OPA3: variants seen among roughly 807,000 people sequenced by gnomAD.
OPA3 encodes the protein outer mitochondrial membrane lipid metabolism regulator OPA3.
Under a neutral mutation model 4.0 loss-of-function variants are expected in OPA3, and 6 were observed. The ratio of observed to expected loss-of-function variants is 1.51; its 90% CI spans 0.83 to 2.99. The LOEUF (loss-of-function observed/expected upper bound fraction) is 2.99. OPA3 is among the 30% of genes most tolerant of loss of function. The pLI, the probability that OPA3 is intolerant of heterozygous loss-of-function variation, is 0.00. For missense variants in OPA3, 235 were observed against 256.2 expected, an observed-to-expected ratio of 0.92 and a Z score of 0.56; for synonymous variants, 105 against 117.1, an observed-to-expected ratio of 0.90 and a Z score of 0.67.
At chr19:45,570,022 G>T (rs1352008882) in intron 1 of OPA3, among the ~76,000 whole-genome samples, 1 of 152,152 alleles carries the variant, frequency 6.6e-6, no homozygotes, top group African/African-American at 2.4e-5. Context: ...GATACACCGG[G>T]GTCAATGACC....
intron 1 of OPA3, among the ~76,000 whole-genome samples, chr19:45,554,398 G>A (rs1435444575): frequency 6.6e-6 from 1 of 152,198 alleles, no homozygotes; most frequent in African/African-American, 2.4e-5. Context: ...AGATACACTT[G>A]TAATAATCAA....
chr19:45,546,499 C>CTTTTT lies in OPA3; in HGVS notation c.*7010_*7014dup. On this transcript the variant is annotated 3_prime_UTR_variant, in exon 2 of 2. Transcript: ENST00000263275. ...CACACGATGGATTACATAAACTCTG[C>CTTTTT]TTTTTTTTTTTTTTGAGACAGGGTC... The CTTTTT allele has an allele frequency of 6.3e-6, 3 of 475,158 alleles. No individual in the cohort carries two copies. Among genetic ancestry groups the CTTTTT allele is most frequent in the Non-Finnish European group, 8.1e-6 (3 of 370,636 alleles). The allele number at this position is 475,158 out of a possible 1,614,324, so 29.4% of individuals were successfully genotyped here. A position where few individuals can be genotyped will look rare whatever the true frequency, so the allele number is the denominator to read the frequency against.
rs907572933 is a variant in OPA3, at chr19:45,549,885, C to T, written c.*3629G>A. 34 of 983,998 alleles carry T rather than the reference C, an allele frequency of 3.5e-5. No homozygotes were observed. The Admixed American group carries it at 4.3e-4, about 13-fold the overall frequency. The allele number at this position is 983,998 out of a possible 1,614,324, so 61.0% of individuals were successfully genotyped here. A position where few individuals can be genotyped will look rare whatever the true frequency, so the allele number is the denominator to read the frequency against. ...CTGAAATGCTGTTTCAGGCCAGGCG[C>T]GGTGGCTCACGCCTGTAATCCCAGC... On this transcript the variant is annotated 3_prime_UTR_variant, in exon 2 of 2. Coordinates refer to ENST00000263275, the MANE Select transcript of OPA3 (RefSeq NM_025136.4).
At chr19:45,542,836 G>A (rs1468356690), downstream of OPA3, among the ~76,000 whole-genome samples, 1 of 150,804 alleles carries the variant, frequency 6.6e-6, no homozygotes, top group African/African-American at 2.4e-5. Context: ...ACCACGCCTG[G>A]CTAATTTTAG....
intron 1 of OPA3, among the ~76,000 whole-genome samples, chr19:45,579,239 G>T (rs1223209420): frequency 1.3e-5 from 2 of 151,764 alleles, no homozygotes; most frequent in Non-Finnish European, 2.9e-5. Context: ...ACTATTTTTT[G>T]AGATGGAATC....
chr19:45,544,404 A>C (rs1407931695), downstream of OPA3, among the ~76,000 whole-genome samples: 1 of 152,248 alleles, frequency 6.6e-6, no homozygotes, highest in Non-Finnish European at 1.5e-5. Flanking sequence ...TCACGCCTGT[A>C]ATCCCAGCAC....
Position 45,553,149 on chromosome 19 carries a change from A to C in OPA3, c.*365T>G, listed in dbSNP as rs1272628944. 18 of 1,236,062 alleles carry C rather than the reference A, an allele frequency of 1.5e-5. No homozygotes were observed. The East Asian group carries it at 8.3e-4, about 57-fold the overall frequency. The allele number at this position is 1,236,062 out of a possible 1,614,324, so 76.6% of individuals were successfully genotyped here. On this transcript the variant is annotated 3_prime_UTR_variant, in exon 2 of 2. Coordinates refer to ENST00000263275, the MANE Select transcript of OPA3 (RefSeq NM_025136.4). ...ACAGATGAGTGTCCCAGTAAAGGTT[A>C]ACACTGATCAGGTAAACCGGGGGTG...
Position 45,552,275 on chromosome 19 carries a change from T to A in OPA3, c.*1239A>T, listed in dbSNP as rs1717100103. ...CAGGCTGGCATGCAATTGCGCAATC[T>A]CGGCTCACTGCAACCTCTGCCTCCC... On this transcript the variant is annotated 3_prime_UTR_variant, in exon 2 of 2. Transcript: ENST00000263275. 17 of 890,258 alleles carry A rather than the reference T, an allele frequency of 1.9e-5. No individual in the cohort carries two copies. Among genetic ancestry groups the A allele is most frequent in the Non-Finnish European group, 2.3e-5 (17 of 743,342 alleles). The allele number at this position is 890,258 out of a possible 1,614,324, so 55.1% of individuals were successfully genotyped here.
At chr19:45,542,505 G>A (rs1969196469), downstream of OPA3, among the ~76,000 whole-genome samples, 1 of 152,152 alleles carries the variant, frequency 6.6e-6, no homozygotes. Flanking sequence ...AATTGCAGGA[G>A]TTGTAACACA....
At position 45,555,367 on chromosome 19, in the gene OPA3, G is replaced by A. The variant is rs556310985; in HGVS notation, c.143-1456C>T. 5.3e-5 allele frequency among the ~76,000 whole-genome samples: 8 copies of A among 152,150 alleles called. No homozygotes were observed. The South Asian group carries it at 1.7e-3, about 32-fold the overall frequency. On this transcript the variant is annotated intron_variant, in intron 1 of 1. Transcript: ENST00000263275. ...TGTATTATTTTCGAGACGGGGTCTT[G>A]CTTTGTCGCCCCGGCTGGAGTGTAG...
chr19:45,556,802 C>T (rs1488635283), intron 1 of OPA3, among the ~76,000 whole-genome samples: 2 of 152,210 alleles, frequency 1.3e-5, no homozygotes, highest in Non-Finnish European at 2.9e-5. Context: ...GTTACTGTTA[C>T]AGCTGTGACT....
intron 1 of OPA3, among the ~76,000 whole-genome samples, chr19:45,569,351 C>G (rs1265492625): frequency 2.6e-5 from 4 of 152,080 alleles, no homozygotes; most frequent in African/African-American, 7.2e-5. Flanking sequence ...CACAGCTATT[C>G]AGGAGGCTGA....
Position 45,552,007 on chromosome 19 carries a change from A to G in OPA3, c.*1507T>C, listed in dbSNP as rs1027481000. On this transcript the variant is annotated 3_prime_UTR_variant, in exon 2 of 2. Transcript: ENST00000263275. ...CAGGAAAATAGGGGGCTGAGGCTGAAGGACAGGCTGGATTAGCCCTAGTTA... is the reference window on the plus strand; with the variant it reads ...CAGGAAAATAGGGGGCTGAGGCTGAGGGACAGGCTGGATTAGCCCTAGTTA... The G allele has an allele frequency of 1.0e-6, 1 of 985,600 alleles. No individual in the cohort carries two copies. Among genetic ancestry groups the G allele is most frequent in the Non-Finnish European group, 1.2e-6 (1 of 830,088 alleles). 61.1% of individuals were successfully genotyped at this position (985,600 alleles called of 1,614,324 possible). A position where few individuals can be genotyped will look rare whatever the true frequency, so the allele number is the denominator to read the frequency against.
At chr19:45,528,821 G>A (rs1969023543) in exon 2 of OPA3, 2 of 519,216 alleles carry the variant, frequency 3.9e-6, no homozygotes, top group Admixed American at 3.6e-5. Flanking sequence ...GATAGGGCGG[G>A]GTCCTTCTTG....
At chr19:45,572,550 A>G (rs971903200) in intron 1 of OPA3, among the ~76,000 whole-genome samples, 4 of 109,974 alleles carry the variant, frequency 3.6e-5, no homozygotes, top group African/African-American at 1.2e-4. Flanking sequence ...TGATATATAT[A>G]TCATATATGG....
chr19:45,572,546 A>G (rs1022950271), intron 1 of OPA3, among the ~76,000 whole-genome samples: 1 of 113,792 alleles, frequency 8.8e-6, no homozygotes, highest in East Asian at 2.6e-4. Flanking sequence ...CATATGATAT[A>G]TATATCATAT....
chr19:45,576,542 C>T (rs559216431), intron 1 of OPA3, among the ~76,000 whole-genome samples: 10 of 144,672 alleles, frequency 6.9e-5, no homozygotes, highest in African/African-American at 1.1e-4. Flanking sequence ...CCATCCCCCC[C>T]CCCCCAAAAA....
chr19:45,565,100 G>A (rs576743960), intron 1 of OPA3, among the ~76,000 whole-genome samples: 1 of 152,262 alleles, frequency 6.6e-6, no homozygotes, highest in East Asian at 1.9e-4. Flanking sequence ...TGGGCGTGGT[G>A]GCACACGCCT....
At position 45,529,720 on chromosome 19, in the gene OPA3, CTTTT is replaced by C. The variant is rs963629972; in HGVS notation, c.143-268_143-265del. 4.6e-5 allele frequency among the ~76,000 whole-genome samples: 7 copies of C among 151,690 alleles called. No homozygotes were observed. In the South Asian group the frequency reaches 6.3e-4, roughly 14 times the overall value. Reference sequence around the variant, plus strand: ...TATAAACACAGAAGATGCTGATGCTCTTTTTTTTTCTTTAATTTTTCTTTTTTTG... The same window carrying C: ...TATAAACACAGAAGATGCTGATGCTCTTTTTCTTTAATTTTTCTTTTTTTG... On this transcript the variant is annotated intron_variant, in intron 1 of 1. Transcript: ENST00000323060.
Sources: allele counts gnomAD v4.1 joint callset (sites outside exome capture counted in the v4.1 genomes callset), GRCh38; gene constraint gnomAD v4.1.1; transcripts MANE v1.5; gene names NCBI Gene and HGNC (gene_info 2026-07-23, HGNC 2026-07-21).